The following WDR44 variants were observed in gnomAD, a reference collection of about 807,000 sequenced individuals.
WDR44 encodes WD repeat-containing protein 44.
In WDR44, 9 loss-of-function variants were observed where a neutral mutation model predicts 65.7. The ratio of observed to expected loss-of-function variants is 0.14; its 90% confidence interval spans 0.08 to 0.24. WDR44 has a LOEUF of 0.24. Ranked by LOEUF, WDR44 falls within the 10% of genes least tolerant of loss-of-function variation. WDR44 has a pLI of 1.00. For missense variants in WDR44, 425 were observed against 670.9 expected, an observed-to-expected ratio of 0.63 and a Z score of 4.05; for synonymous variants, 220 against 235.2, an observed-to-expected ratio of 0.94 and a Z score of 0.59.
chrX:118,411,967 T>C (rs1260678513), intron 12 of WDR44, among the ~76,000 whole-genome samples: 1 of 112,392 alleles, frequency 8.9e-6, no homozygotes, highest in Non-Finnish European at 1.9e-5. Context: ...ATGAGACATA[T>C]TCTCTGTCCT....
At chrX:118,402,643 A>G (rs12846581) in intron 8 of WDR44, among the ~76,000 whole-genome samples, 28,674 of 108,267 alleles carry the variant, frequency 0.26, 3,171 homozygotes, top group African/African-American at 0.39. Flanking sequence ...AGCAACTCAG[A>G]AGGCAGAGGC....
Position 118,387,352 on chromosome X carries a change from A to G in WDR44, c.124A>G (p.Thr42Ala), listed in dbSNP as rs1384700442. Residue 42 changes from threonine to alanine, a missense_variant, in exon 3 of 20, where the codon ACT (threonine) becomes GCT (alanine). Around this residue, in one of 5 missense-constraint regions of WDR44, gnomAD observed 193 missense variants for 209.0 expected, o/e 0.92. Transcript: ENST00000254029. ...CTTTTTCAAACAGGAAACAGAGAAC[A>G]CTGCATACAAAGTTGGAAATGAGTC... ...GLSTFKETENTAYKVGNESPV... is the reference protein window; with the variant it reads ...GLSTFKETENAAYKVGNESPV... 1.7e-6 allele frequency: 2 copies of G among 1,194,265 alleles called. No homozygotes were observed. The highest frequency in any genetic ancestry group is 3.7e-5 in the South Asian group (2 of 54,313).
At chrX:118,429,055 G>A (rs576217771) in intron 12 of WDR44, among the ~76,000 whole-genome samples, 1 of 110,740 alleles carries the variant, frequency 9.0e-6, no homozygotes, top group South Asian at 3.9e-4. Context: ...CCTGTCAGGG[G>A]GATGGGAGGA....
At chrX:118,441,916 T>C (rs970159240) in intron 15 of WDR44, among the ~76,000 whole-genome samples, 3 of 111,100 alleles carry the variant, frequency 2.7e-5, no homozygotes, top group African/African-American at 9.8e-5. Flanking sequence ...AATTTTTGTA[T>C]TTTTTGGTAG....
intron 12 of WDR44, among the ~76,000 whole-genome samples, chrX:118,431,891 G>A: frequency 1.1e-5 from 1 of 93,379 alleles, no homozygotes; most frequent in African/African-American, 5.0e-5. Flanking sequence ...GGTTTGTTGT[G>A]TGTTTTGTTT....
At chrX:118,347,706 A>G (rs2056365136) in intron 1 of WDR44, among the ~76,000 whole-genome samples, 1 of 112,408 alleles carries the variant, frequency 8.9e-6, no homozygotes, top group Non-Finnish European at 1.9e-5. Context: ...TCTAAAAACT[A>G]ATGTATGTTT....
At chrX:118,363,332 T>G (rs1396541274) in intron 1 of WDR44, among the ~76,000 whole-genome samples, 1 of 91,770 alleles carries the variant, frequency 1.1e-5, no homozygotes, top group Admixed American at 1.4e-4. Context: ...AACCGGGAGG[T>G]GGAGGTTGCA....
chrX:118,375,887 T>C (rs1262926748), intron 1 of WDR44, among the ~76,000 whole-genome samples: 3 of 112,491 alleles, frequency 2.7e-5, no homozygotes, highest in Non-Finnish European at 5.6e-5. Context: ...ATCTAATTTA[T>C]CTTTGTATCT....
intron 1 of WDR44, among the ~76,000 whole-genome samples, chrX:118,352,902 A>C (rs763006544): frequency 9.0e-6 from 1 of 111,520 alleles, no homozygotes; most frequent in South Asian, 3.8e-4. Context: ...GATAAGACAA[A>C]TCCCATCATT....
intron 1 of WDR44, among the ~76,000 whole-genome samples, chrX:118,368,684 A>G (rs973072885): frequency 2.2e-5 from 2 of 92,216 alleles, no homozygotes; most frequent in Non-Finnish European, 4.0e-5. Context: ...GCCACTAATC[A>G]TATGAAGTAG....
chrX:118,370,516 G>T (rs952093520), intron 1 of WDR44, among the ~76,000 whole-genome samples: 12 of 110,607 alleles, frequency 1.1e-4, no homozygotes, highest in Non-Finnish European at 1.7e-4. Context: ...GCTTCCTGAG[G>T]CCCTCACCGG....
At chrX:118,404,305 A>C (rs1188154012) in intron 8 of WDR44, 33 bp from the exon 9 acceptor site, 3 of 1,051,314 alleles carry the variant, frequency 2.9e-6, no homozygotes, top group Non-Finnish European at 4.0e-6. Context: ...TTTTACAGTT[A>C]ACTGAGTTGA....
chrX:118,386,082 C>G (rs1157043413), intron 2 of WDR44, among the ~76,000 whole-genome samples: 1 of 111,360 alleles, frequency 9.0e-6, no homozygotes, highest in African/African-American at 3.3e-5. Flanking sequence ...TTAATAATCT[C>G]TGGAGTAATT....
chrX:118,447,534 C>T (rs1363158660), intron 19 of WDR44, among the ~76,000 whole-genome samples: 1 of 110,895 alleles, frequency 9.0e-6, no homozygotes, highest in Admixed American at 9.7e-5. Flanking sequence ...CCTCAATTTT[C>T]CTTATGTGTA....
chrX:118,377,733 T>TG (rs2147685700), intron 1 of WDR44, among the ~76,000 whole-genome samples: 1 of 103,408 alleles, frequency 9.7e-6, no homozygotes, highest in South Asian at 4.6e-4. Context: ...CTTTTTTTTT[T>TG]TTTTTTTTTT....
intron 12 of WDR44, among the ~76,000 whole-genome samples, chrX:118,424,506 G>A (rs767023703): frequency 1.9e-5 from 2 of 107,576 alleles, no homozygotes; most frequent in East Asian, 5.8e-4. Context: ...GTCTATTTAG[G>A]TCCTTTGCCT....
At chrX:118,377,781 G>A (rs1329141692) in intron 1 of WDR44, among the ~76,000 whole-genome samples, 1 of 98,440 alleles carries the variant, frequency 1.0e-5, no homozygotes, top group Non-Finnish European at 2.0e-5. Context: ...AAGCTGGAGT[G>A]CAGTGGCACA....
At chrX:118,352,774 A>C (rs1398964698) in intron 1 of WDR44, among the ~76,000 whole-genome samples, 3 of 109,995 alleles carry the variant, frequency 2.7e-5, no homozygotes, top group Non-Finnish European at 5.7e-5. Context: ...AGGTGGAGGA[A>C]GGGAGTATAA....
rs148668597 is a variant in WDR44, at chrX:118,402,895, G to A, written c.1275-1443G>A. On this transcript the variant is annotated intron_variant, in intron 8 of 19. Coordinates refer to ENST00000254029, the MANE Select transcript of WDR44 (RefSeq NM_019045.5). ...TTGCTATAAAAGAAAAGTTCCAGGT[G>A]CTGTGGAGATATTACAGTAGTTCCC... Among the ~76,000 whole-genome samples, 1,079 of 112,388 alleles carry A rather than the reference G, an allele frequency of 9.6e-3. 8 individuals carry two copies. Among genetic ancestry groups the A allele is most frequent in the Admixed American group, 0.014 (150 of 10,581 alleles).
Sources: allele counts gnomAD v4.1 joint callset (sites outside exome capture counted in the v4.1 genomes callset), GRCh38; gene constraint gnomAD v4.1.1; regional missense constraint gnomAD v4.1.1; transcripts MANE v1.5; gene names NCBI Gene and HGNC (gene_info 2026-07-23, HGNC 2026-07-21).